The following PDZD7 variants were observed in gnomAD, a reference collection of about 807,000 sequenced individuals.
PDZD7 encodes the protein PDZ domain-containing protein 7.
A neutral mutation model predicts 84.7 loss-of-function variants in PDZD7; 72 were observed. That is an observed-to-expected ratio of 0.85 (90% confidence interval 0.70 to 1.03). The LOEUF (loss-of-function observed/expected upper bound fraction) is 1.03, where lower values mean the gene tolerates loss of function less well. Ranked by LOEUF, PDZD7 falls within the 50% of genes least tolerant of loss-of-function variation. The pLI is 0.00. For missense variants in PDZD7, 1,490 were observed against 1,412.9 expected (o/e 1.05, Z -0.87); for synonymous variants, 594 against 580.7 (o/e 1.02, Z -0.33).
intron 9 of PDZD7, among the ~76,000 whole-genome samples, chr10:101,016,634 A>G (rs1164125541): frequency 6.6e-6 from 1 of 152,242 alleles, no homozygotes; most frequent in African/African-American, 2.4e-5. Flanking sequence ...ACGGTTTTGG[A>G]TCAAAACAGG....
chr10:101,009,847 T>C (rs898265334), intron 15 of PDZD7, among the ~76,000 whole-genome samples: 1 of 152,130 alleles, frequency 6.6e-6, no homozygotes, highest in Non-Finnish European at 1.5e-5. Context: ...CCTCAGGTGA[T>C]CCACCCTCCT....
chr10:101,008,509 CTG>C lies in PDZD7; in HGVS notation c.3058_3059del (p.Gln1020AspfsTer3). ...AGGGTGCGGGCTTAGAATCAGGAGT[CTG>C]GAGGGCTGGGGAGGGGGCTGGGCTG... ...TPSPAPSPAL[Q>X]TPDSKPAPSP... is the part of the protein sequence containing the mutation. On this transcript the variant is annotated frameshift_variant, in exon 17 of 17. Transcript: ENST00000619208. LOFTEE classifies it low-confidence loss of function (END_TRUNC). 1 of 1,529,696 alleles carries C rather than the reference CTG, an allele frequency of 6.5e-7. No individual in the cohort carries two copies. Among genetic ancestry groups the C allele is most frequent in the South Asian group, 1.2e-5 (1 of 83,548 alleles). 94.8% of individuals were successfully genotyped at this position (1,529,696 alleles called of 1,614,324 possible). A position where few individuals can be genotyped will look rare whatever the true frequency, so the allele number is the denominator to read the frequency against.
rs1203974384 is a variant in PDZD7, at chr10:101,030,267, A to G, written c.-48T>C. The stretch of plus-strand genomic sequence containing the variant: ...CCTACAGGTCCAGAAGGAATCTGCT[A>G]GCTCTGGAGAGGCCAGCCCTGCGTG... On this transcript the variant is annotated 5_prime_UTR_variant, in exon 2 of 17. Transcript: ENST00000619208. The G allele has an allele frequency of 1.3e-6, 2 of 1,494,188 alleles. No homozygotes were observed. The highest frequency in any genetic ancestry group is 1.4e-5 in the African/African-American group (1 of 72,860). The allele number at this position is 1,494,188 out of a possible 1,614,324, so 92.6% of individuals were successfully genotyped here.
In PDZD7 at chr10:101,022,404, C is replaced by T; in HGVS notation, c.543-19G>A. On this transcript the variant is annotated intron_variant, in intron 4 of 16. Transcript: ENST00000619208. ...ATCCACCCTGGACAACAGCAGGGGG[C>T]CCTCAGGTGGGGTCCTCCATCCACT... 1.9e-6 allele frequency: 3 copies of T among 1,613,636 alleles called. No individual in the cohort carries two copies. Among genetic ancestry groups the T allele is most frequent in the Non-Finnish European group, 2.5e-6 (3 of 1,179,974 alleles).
intron 1 of PDZD7, chr10:101,030,726 T>G (rs1257834075): frequency 1.0e-5 from 2 of 200,406 alleles, no homozygotes; most frequent in South Asian, 7.2e-5. Flanking sequence ...GGACAGCTCA[T>G]GGCATCACCT....
chr10:101,009,681 C>G (rs1021051111), intron 15 of PDZD7, among the ~76,000 whole-genome samples: 7 of 136,336 alleles, frequency 5.1e-5, no homozygotes, highest in African/African-American at 1.8e-4. Flanking sequence ...GATCTCGGCT[C>G]ACCGCAACCT....
intron 9 of PDZD7, among the ~76,000 whole-genome samples, chr10:101,016,673 T>C (rs2134028099): frequency 6.6e-6 from 1 of 152,292 alleles, no homozygotes; most frequent in African/African-American, 2.4e-5. Flanking sequence ...TTATGCAAAT[T>C]CACTTGGAAG....
chr10:101,009,654 C>A (rs1852328726), intron 15 of PDZD7, among the ~76,000 whole-genome samples: 1 of 115,878 alleles, frequency 8.6e-6, no homozygotes, highest in South Asian at 3.0e-4. Flanking sequence ...GTTGCCCAGG[C>A]TGGAGTGCAA....
At position 101,008,856 on chromosome 10, in the gene PDZD7, G is replaced by T. The variant is rs1852302166; in HGVS notation, c.2719-6C>A. ...GCCACAAGCTCGAAGCCAGCCTAGG[G>T]TGGGGTGAGAGAGTCACATCCCTCC... On this transcript the variant is annotated splice_polypyrimidine_tract_variant and splice_region_variant and intron_variant, in intron 16 of 16. Transcript: ENST00000619208. 1 of 1,483,936 alleles carries T rather than the reference G, an allele frequency of 6.7e-7. No individual in the cohort carries two copies. The highest frequency in any genetic ancestry group is 2.5e-5 in the East Asian group (1 of 40,366). 91.9% of individuals were successfully genotyped at this position (1,483,936 alleles called of 1,614,324 possible).
Position 101,010,833 on chromosome 10 carries a change from C to T in PDZD7, c.2056G>A (p.Glu686Lys). Residue 686 changes from glutamate (E) to lysine (K), a missense_variant, in exon 15 of 17, where the codon GAA becomes AAA. Physicochemically the swap from Glu to Lys is moderately conservative, Grantham distance 56. Coordinates refer to ENST00000619208, the MANE Select transcript of PDZD7 (RefSeq NM_001195263.2). ...LLPVNGFPEE[E>K]DNGELRERLG... Reference sequence around the variant, plus strand: ...CGCTCCCTCAGCTCCCCATTATCTTCCTCTTCCGGGAAGCCGTTCACCGGC... The same window carrying T: ...CGCTCCCTCAGCTCCCCATTATCTTTCTCTTCCGGGAAGCCGTTCACCGGC... 1 of 1,535,074 alleles carries T rather than the reference C, an allele frequency of 6.5e-7. No individual in the cohort carries two copies. The highest frequency in any genetic ancestry group is 8.7e-7 in the Non-Finnish European group (1 of 1,146,894).
At chr10:101,025,205 G>T (rs919127098) in intron 2 of PDZD7, among the ~76,000 whole-genome samples, 1 of 152,242 alleles carries the variant, frequency 6.6e-6, no homozygotes, top group South Asian at 2.1e-4. Context: ...AATAGAATGG[G>T]TTTTCTTTCT....
At chr10:101,017,863 G>GAAAGAA in intron 9 of PDZD7, 1 of 397,810 alleles carries the variant, frequency 2.5e-6, no homozygotes. Flanking sequence ...AAGAAAGAAA[G>GAAAGAA]AAAGAAAGAA....
At position 101,018,893 on chromosome 10, in the gene PDZD7, G is replaced by A. The variant is rs963259509; in HGVS notation, c.1253C>T (p.Thr418Met). ...TCGGCTGAGGGCCAGCAGCAAAGCC[G>A]TCTTGGGAGACTCAGAGAGCGCAGA... ...LDSALSESPKTALLLALSRPR... is the reference protein window; with the variant it reads ...LDSALSESPKMALLLALSRPR... Residue 418 changes from threonine (T) to methionine (M), a missense_variant, in exon 8 of 17, where the codon ACG becomes ATG. Physicochemically the swap from Thr to Met is moderately conservative, Grantham distance 81 (BLOSUM62 -1). Coordinates refer to ENST00000619208, the MANE Select transcript of PDZD7 (RefSeq NM_001195263.2). 2.5e-6 allele frequency: 4 copies of A among 1,605,074 alleles called. No individual in the cohort carries two copies. The highest frequency in any genetic ancestry group is 1.1e-5 in the South Asian group (1 of 89,100).
rs1308167334 is a variant in PDZD7, at chr10:101,007,932, G to T, written c.*535C>A. ...TCCTCCCCCTCATAGAGCTCTCTTG[G>T]GGAGAAAAGGTGATGGAGGAAGGAC... is the stretch of plus-strand genomic sequence containing the variant. On this transcript the variant is annotated 3_prime_UTR_variant, in exon 17 of 17. Transcript: ENST00000619208. 8.1e-6 allele frequency: 1 copy of T among 123,832 alleles called. No homozygotes were observed. The highest frequency in any genetic ancestry group is 3.3e-5 in the African/African-American group (1 of 30,660). 7.7% of individuals were successfully genotyped at this position (123,832 alleles called of 1,614,324 possible).
intron 4 of PDZD7, 21 bp downstream of exon 4, chr10:101,023,415 G>T: frequency 6.2e-7 from 1 of 1,613,962 alleles, no homozygotes; most frequent in South Asian, 1.1e-5. Flanking sequence ...CCAGGGCTAG[G>T]ATGAGGGAGT....
Position 101,012,257 on chromosome 10 carries a change from T to G in PDZD7, c.1751A>C (p.Tyr584Ser), listed in dbSNP as rs573697929. The G allele has an allele frequency of 1.3e-6, 2 of 1,549,724 alleles. No individual in the cohort carries two copies. The highest frequency in any genetic ancestry group is 4.9e-5 in the East Asian group (2 of 40,914). ...GTCCTCTATGCCTCCCTCGTGCACA[T>G]ACTGCAGATAGAGGCAGCACAGGTC... Reference protein sequence around the residue: ...VLAVTRHCSRYVHEGGIEDLV... With the variant: ...VLAVTRHCSRSVHEGGIEDLV... The change falls in exon 12 of 17, where the codon TAT (tyrosine) becomes TCT (serine). Residue 584 changes from tyrosine to serine, a missense_variant and splice_region_variant. Physicochemically the swap from Tyr to Ser is moderately radical, Grantham distance 144. Coordinates refer to ENST00000619208, the MANE Select transcript of PDZD7 (RefSeq NM_001195263.2).
intron 11 of PDZD7, among the ~76,000 whole-genome samples, chr10:101,015,061 GCT>G (rs1852551603): frequency 6.6e-6 from 1 of 152,128 alleles, no homozygotes; most frequent in Admixed American, 6.5e-5. Flanking sequence ...ACCCTGGGGC[GCT>G]CTGGTTCTTT....
chr10:101,026,590 G>A (rs1230973421), intron 2 of PDZD7, among the ~76,000 whole-genome samples: 1 of 151,468 alleles, frequency 6.6e-6, no homozygotes, highest in Non-Finnish European at 1.5e-5. Flanking sequence ...GGAGGGGTAA[G>A]TTGGGTCCCA....
chr10:101,027,048 C>G (rs967004771), intron 2 of PDZD7, among the ~76,000 whole-genome samples: 3 of 152,110 alleles, frequency 2.0e-5, no homozygotes, highest in African/African-American at 7.2e-5. Flanking sequence ...CCCCCAGGTG[C>G]TCCACTGCAG....
Sources: allele counts gnomAD v4.1 joint callset (sites outside exome capture counted in the v4.1 genomes callset), GRCh38; gene constraint gnomAD v4.1.1; transcripts MANE v1.5; gene names NCBI Gene and HGNC (gene_info 2026-07-23, HGNC 2026-07-21).